Variants in MARCHF11 observed in about 807,000 individuals in gnomAD.
MARCHF11 encodes E3 ubiquitin-protein ligase MARCHF11.
In MARCHF11, 29 loss-of-function variants were observed where a neutral mutation model predicts 37.3. That is an observed-to-expected ratio of 0.78 (90% confidence interval 0.58 to 1.06). MARCHF11 has a LOEUF of 1.06. MARCHF11 is among the 50% of genes least tolerant of loss of function. MARCHF11 has a pLI of 0.00. For synonymous variants in MARCHF11, 233 were observed against 228.0 expected, an observed-to-expected ratio of 1.02 and a Z score of -0.20; for missense variants, 482 against 533.4, an observed-to-expected ratio of 0.90 and a Z score of 0.95.
intron 2 of MARCHF11, among the ~76,000 whole-genome samples, chr5:16,162,187 A>C (rs1472617579): frequency 6.6e-6 from 1 of 151,982 alleles, no homozygotes. Flanking sequence ...CTCAGAATCC[A>C]GAATCCATTT....
chr5:16,084,412 G>A lies in MARCHF11; in HGVS notation c.886+6477C>T, dbSNP rs1579677871. Among the ~76,000 whole-genome samples the A allele has an allele frequency of 5.9e-5, 9 of 152,306 alleles. No individual in the cohort carries two copies. The South Asian group carries it at 1.7e-3, about 28-fold the overall frequency. On this transcript the variant is annotated intron_variant, in intron 3 of 3. Transcript: ENST00000332432. ...AATCCCAGCACTTTGGGAGGCCGAG[G>A]CAGGCGGGTCACTTGAGGTCAGGAG... is the stretch of plus-strand genomic sequence containing the variant.
chr5:16,127,309 C>T, intron 2 of MARCHF11, among the ~76,000 whole-genome samples: 1 of 152,082 alleles, frequency 6.6e-6, no homozygotes, highest in Non-Finnish European at 1.5e-5. Flanking sequence ...TGTAAGTGAC[C>T]AGATGTCGGT....
intron 3 of MARCHF11, among the ~76,000 whole-genome samples, chr5:16,068,003 C>T (rs911754150): frequency 1.3e-5 from 2 of 152,142 alleles, no homozygotes; most frequent in Non-Finnish European, 2.9e-5. Context: ...TGAGAATACA[C>T]TAATATGTAG....
At chr5:16,101,697 C>G (rs1222338568) in intron 2 of MARCHF11, among the ~76,000 whole-genome samples, 1 of 152,204 alleles carries the variant, frequency 6.6e-6, no homozygotes, top group Non-Finnish European at 1.5e-5. Flanking sequence ...TTTACTTGTT[C>G]TCTCCACCAG....
chr5:16,142,495 C>T (rs1219426792), intron 2 of MARCHF11, among the ~76,000 whole-genome samples: 2 of 152,066 alleles, frequency 1.3e-5, no homozygotes, highest in Admixed American at 6.6e-5. Context: ...AGAGCACTAC[C>T]ATGCAGGCTG....
chr5:16,112,259 C>T (rs191759708), intron 2 of MARCHF11, among the ~76,000 whole-genome samples: 11 of 152,224 alleles, frequency 7.2e-5, no homozygotes, highest in South Asian at 2.1e-4. Flanking sequence ...CTGAAAAAGC[C>T]GCAAACACTC....
At chr5:16,137,939 C>A (rs1367136345) in intron 2 of MARCHF11, among the ~76,000 whole-genome samples, 1 of 152,148 alleles carries the variant, frequency 6.6e-6, no homozygotes, top group Non-Finnish European at 1.5e-5. Flanking sequence ...ATTCAGTTTT[C>A]TTCTTTCACG....
chr5:16,081,384 C>A (rs1348495815), intron 3 of MARCHF11, among the ~76,000 whole-genome samples: 1 of 152,244 alleles, frequency 6.6e-6, no homozygotes, highest in African/African-American at 2.4e-5. Flanking sequence ...CATCCCGGTA[C>A]AACTTTATCC....
intron 2 of MARCHF11, among the ~76,000 whole-genome samples, chr5:16,157,033 A>T (rs1284218799): frequency 6.6e-6 from 1 of 151,950 alleles, no homozygotes; most frequent in Non-Finnish European, 1.5e-5. Context: ...CTAAATGTTT[A>T]ACTGCTAAAA....
At chr5:16,085,456 G>A (rs1255829032) in intron 3 of MARCHF11, among the ~76,000 whole-genome samples, 1 of 151,762 alleles carries the variant, frequency 6.6e-6, no homozygotes, top group Non-Finnish European at 1.5e-5. Context: ...AAATAGCTAT[G>A]GAATTAATTT....
At chr5:16,155,891 G>A (rs979606546) in intron 2 of MARCHF11, among the ~76,000 whole-genome samples, 4 of 151,892 alleles carry the variant, frequency 2.6e-5, no homozygotes, top group Admixed American at 6.6e-5. Context: ...AAGTTCAGCC[G>A]TAGTCAGCCT....
At chr5:16,121,138 C>T (rs1737302709) in intron 2 of MARCHF11, among the ~76,000 whole-genome samples, 1 of 152,192 alleles carries the variant, frequency 6.6e-6, no homozygotes, top group African/African-American at 2.4e-5. Context: ...CTCACACAGA[C>T]AGCCAACATG....
chr5:16,152,182 T>A (rs966030519), intron 2 of MARCHF11, among the ~76,000 whole-genome samples: 1 of 151,968 alleles, frequency 6.6e-6, no homozygotes, highest in Admixed American at 6.6e-5. Context: ...TTTTTTTGTA[T>A]CTCTCAAGAC....
At chr5:16,127,494 A>T (rs1049085879) in intron 2 of MARCHF11, among the ~76,000 whole-genome samples, 1 of 152,146 alleles carries the variant, frequency 6.6e-6, no homozygotes, top group African/African-American at 2.4e-5. Flanking sequence ...AGACTTTGAG[A>T]TTTGCCCCCA....
At chr5:16,160,708 A>T (rs2126604170) in intron 2 of MARCHF11, among the ~76,000 whole-genome samples, 1 of 152,118 alleles carries the variant, frequency 6.6e-6, no homozygotes, top group South Asian at 2.1e-4. Flanking sequence ...GATTAAATCA[A>T]AATCTCATCA....
intron 2 of MARCHF11, among the ~76,000 whole-genome samples, chr5:16,096,548 A>G (rs1187179048): frequency 6.6e-6 from 1 of 152,224 alleles, no homozygotes; most frequent in African/African-American, 2.4e-5. Context: ...AGTATTCTCC[A>G]TGAGAAATTA....
At chr5:16,109,844 T>C (rs1238753140) in intron 2 of MARCHF11, among the ~76,000 whole-genome samples, 1 of 152,214 alleles carries the variant, frequency 6.6e-6, no homozygotes, top group Non-Finnish European at 1.5e-5. Flanking sequence ...GAAGAATTGC[T>C]TGTGGAAAAT....
At position 16,069,445 on chromosome 5, in the gene MARCHF11, G is replaced by A. The variant is rs922890627; in HGVS notation, c.887-1652C>T. Reference sequence around the variant, plus strand: ...AAATGTTGCATTTTTTAAACTGGGTGGTGGAGATATTAATGCTCAACATAT... The same window carrying A: ...AAATGTTGCATTTTTTAAACTGGGTAGTGGAGATATTAATGCTCAACATAT... On this transcript the variant is annotated intron_variant, in intron 3 of 3. Coordinates refer to ENST00000332432, the MANE Select transcript of MARCHF11 (RefSeq NM_001102562.3). Among the ~76,000 whole-genome samples the A allele has an allele frequency of 3.9e-5, 6 of 152,090 alleles. No individual in the cohort carries two copies. The East Asian group carries it at 9.7e-4, about 24-fold the overall frequency.
Position 16,104,914 on chromosome 5 carries a change from AACAC to A in MARCHF11, c.694-13837_694-13834del, listed in dbSNP as rs35858618. The stretch of plus-strand genomic sequence containing the variant: ...TAAGGTTATGGTAAGGACTAAAGGA[AACAC>A]ACACACACACACACACACACACACA... On this transcript the variant is annotated intron_variant, in intron 2 of 3. Coordinates refer to ENST00000332432, the MANE Select transcript of MARCHF11 (RefSeq NM_001102562.3). Among the ~76,000 whole-genome samples, 543 of 149,576 alleles carry A rather than the reference AACAC, an allele frequency of 3.6e-3. 5 individuals are homozygous for A. The highest frequency in any genetic ancestry group is 0.013 in the African/African-American group (513 of 40,894).
Sources: gnomAD v4.1 joint callset for allele counts (sites outside exome capture counted in the v4.1 genomes callset) on GRCh38, gnomAD v4.1.1 for gene constraint, MANE v1.5 for transcripts, NCBI Gene and HGNC (gene_info 2026-07-23, HGNC 2026-07-21) for gene names.